The following RAB38 variants were observed in gnomAD, a reference collection of about 807,000 sequenced individuals.
RAB38 encodes RAB38, member RAS oncogene family.
RAB38 carries 15 observed loss-of-function variants against 18.4 expected under a neutral mutation model. The observed-to-expected ratio is 0.82, with a 90% confidence interval of 0.55 to 1.26. The LOEUF (loss-of-function observed/expected upper bound fraction) is 1.26, where lower values mean the gene tolerates loss of function less well. RAB38 is among the 50% of genes most tolerant of loss of function. The pLI, the probability that RAB38 is intolerant of heterozygous loss-of-function variation, is 0.00. For missense variants in RAB38, 294 were observed against 267.4 expected (o/e 1.10, Z -0.69); for synonymous variants, 101 against 104.4 (o/e 0.97, Z 0.20).
At chr11:87,842,809 C>T in the RAB38 span, among the ~76,000 whole-genome samples, 5 of 60,616 alleles carry the variant, frequency 8.2e-5, no homozygotes, top group Admixed American at 1.9e-4. Flanking sequence ...CACACACACA[C>T]GCGCGCGCAC....
chr11:87,878,251 C>CATCTATCTATCTATCTATCT, the RAB38 span, among the ~76,000 whole-genome samples: 1 of 103,376 alleles, frequency 9.7e-6, no homozygotes, highest in Non-Finnish European at 1.8e-5. Flanking sequence ...ACACACCTAT[C>CATCTATCTATCTATCTATCT]ATCTATCTAT....
intron 2 of RAB38, among the ~76,000 whole-genome samples, chr11:88,125,200 C>T (rs183633007): frequency 5.1e-4 from 77 of 152,262 alleles, no homozygotes; most frequent in African/African-American, 1.8e-3. Flanking sequence ...ATCTTGTGGG[C>T]TCACATTGCG....
At chr11:87,842,125 G>A in the RAB38 span, among the ~76,000 whole-genome samples, 1 of 152,114 alleles carries the variant, frequency 6.6e-6, no homozygotes, top group South Asian at 2.1e-4. Context: ...TGTTATGGAT[G>A]AATAAAGAAG....
intron 1 of RAB38, among the ~76,000 whole-genome samples, chr11:88,155,404 A>G (rs1046558404): frequency 2.0e-5 from 3 of 152,232 alleles, no homozygotes; most frequent in African/African-American, 7.2e-5. Flanking sequence ...CAGCCCAATA[A>G]AAAACCTGCA....
chr11:88,108,732 T>G (rs182767420), downstream of RAB38, among the ~76,000 whole-genome samples: 1 of 152,222 alleles, frequency 6.6e-6, no homozygotes, highest in Non-Finnish European at 1.5e-5. Flanking sequence ...AGTTTCTTCA[T>G]AGTGTCGATG....
intron 1 of RAB38, among the ~76,000 whole-genome samples, chr11:88,164,655 T>C (rs1943227982): frequency 6.6e-6 from 1 of 152,142 alleles, no homozygotes; most frequent in African/African-American, 2.4e-5. Context: ...TTATGGCTAT[T>C]ATAACACTTA....
the RAB38 span, among the ~76,000 whole-genome samples, chr11:87,859,314 A>G: frequency 6.6e-6 from 1 of 152,026 alleles, no homozygotes; most frequent in Non-Finnish European, 1.5e-5. Flanking sequence ...CCTTGGTATG[A>G]CTAGTTATAA....
At chr11:87,920,150 G>T in the RAB38 span, among the ~76,000 whole-genome samples, 1 of 151,602 alleles carries the variant, frequency 6.6e-6, no homozygotes, top group South Asian at 2.1e-4. Context: ...ATTTATTTCT[G>T]CTCTGATCTT....
chr11:87,894,031 G>A, the RAB38 span, among the ~76,000 whole-genome samples: 3 of 151,594 alleles, frequency 2.0e-5, no homozygotes, highest in Non-Finnish European at 4.4e-5. Flanking sequence ...ACAACATTGA[G>A]TCTTCCAATC....
chr11:88,094,589 G>A, the RAB38 span, among the ~76,000 whole-genome samples: 3 of 151,804 alleles, frequency 2.0e-5, no homozygotes, highest in Non-Finnish European at 4.4e-5. Flanking sequence ...CAAACATTAT[G>A]TGAACTCTTT....
At chr11:88,110,651 T>C (rs1591149179), downstream of RAB38, among the ~76,000 whole-genome samples, 1 of 151,918 alleles carries the variant, frequency 6.6e-6, no homozygotes, top group Admixed American at 6.6e-5. Flanking sequence ...ACCCCACCTC[T>C]ACTAAAAATA....
the RAB38 span, among the ~76,000 whole-genome samples, chr11:87,889,947 G>A: frequency 6.6e-6 from 1 of 151,528 alleles, no homozygotes; most frequent in African/African-American, 2.4e-5. Context: ...AATGTTCGTT[G>A]ATGATATTAA....
At chr11:87,958,009 C>T in the RAB38 span, among the ~76,000 whole-genome samples, 91 of 152,236 alleles carry the variant, frequency 6.0e-4, 1 homozygote, top group African/African-American at 2.0e-3. Context: ...ATTCGACTTA[C>T]GATTTTTGAC....
At chr11:88,074,911 T>C in the RAB38 span, among the ~76,000 whole-genome samples, 1 of 152,162 alleles carries the variant, frequency 6.6e-6, no homozygotes, top group Admixed American at 6.5e-5. Flanking sequence ...GCTAGACTTA[T>C]ATCAAATAAA....
the RAB38 span, among the ~76,000 whole-genome samples, chr11:87,946,409 C>G: frequency 6.6e-6 from 1 of 152,198 alleles, no homozygotes; most frequent in Middle Eastern, 3.4e-3. Context: ...TTAAATTATA[C>G]TTTAAGTTTT....
the RAB38 span, among the ~76,000 whole-genome samples, chr11:87,968,156 A>C: frequency 1.3e-5 from 2 of 152,138 alleles, no homozygotes; most frequent in East Asian, 1.9e-4. Flanking sequence ...TAATTTCCCC[A>C]AAAGAGACAT....
At chr11:87,940,065 C>T in the RAB38 span, among the ~76,000 whole-genome samples, 1 of 151,300 alleles carries the variant, frequency 6.6e-6, no homozygotes, top group Non-Finnish European at 1.5e-5. Flanking sequence ...AACAAAAAAT[C>T]CAGTGATTTG....
At chr11:88,063,349 A>G in the RAB38 span, among the ~76,000 whole-genome samples, 61 of 152,148 alleles carry the variant, frequency 4.0e-4, no homozygotes, top group East Asian at 0.011. Context: ...TAGGTTTCCA[A>G]TTTTCCACAA....
chr11:88,034,546 G>A, the RAB38 span, among the ~76,000 whole-genome samples: 2 of 152,210 alleles, frequency 1.3e-5, no homozygotes, highest in Non-Finnish European at 2.9e-5. Flanking sequence ...CATTATGACA[G>A]ATATGTTATG....
Sources: allele counts gnomAD v4.1 joint callset (sites outside exome capture counted in the v4.1 genomes callset), GRCh38; gene constraint gnomAD v4.1.1; transcripts MANE v1.5; gene names NCBI Gene and HGNC (gene_info 2026-07-23, HGNC 2026-07-21).